CEP85L: variants seen among roughly 807,000 people sequenced by gnomAD.
The protein encoded by CEP85L is centrosomal protein of 85 kDa-like.
In CEP85L, 60 loss-of-function variants were observed where a neutral mutation model predicts 100.3. The ratio of observed to expected loss-of-function variants is 0.60; its 90% CI spans 0.49 to 0.74. CEP85L has a LOEUF of 0.74. Ranked by LOEUF, CEP85L falls within the 30% of genes least tolerant of loss-of-function variation. CEP85L has a pLI of 0.00. For missense variants in CEP85L, 973 were observed against 936.2 expected, an observed-to-expected ratio of 1.04 and a Z score of -0.51; for synonymous variants, 319 against 322.7, an observed-to-expected ratio of 0.99 and a Z score of 0.12.
chr6:118,633,084 A>AT (rs1216018375), intron 1 of CEP85L, among the ~76,000 whole-genome samples: 8 of 151,690 alleles, frequency 5.3e-5, no homozygotes, highest in African/African-American at 1.9e-4. Context: ...TATCTACTAA[A>AT]TTTTTTCTAC....
intron 3 of CEP85L, among the ~76,000 whole-genome samples, chr6:118,545,639 A>C (rs1370482248): frequency 6.6e-6 from 1 of 152,184 alleles, no homozygotes; most frequent in African/African-American, 2.4e-5. Context: ...AAAATGCTAC[A>C]AAACTATATA....
At chr6:118,529,009 G>A (rs1777130187) in intron 3 of CEP85L, among the ~76,000 whole-genome samples, 1 of 152,116 alleles carries the variant, frequency 6.6e-6, no homozygotes, top group African/African-American at 2.4e-5. Flanking sequence ...AAATCTGATA[G>A]AAATAACACA....
At chr6:118,510,989 ATATTCT>A (rs1247891557) in intron 5 of CEP85L, among the ~76,000 whole-genome samples, 1 of 152,154 alleles carries the variant, frequency 6.6e-6, no homozygotes, top group Admixed American at 6.6e-5. Flanking sequence ...GATAATGTAC[ATATTCT>A]TATATTTTTT....
intron 2 of CEP85L, among the ~76,000 whole-genome samples, chr6:118,572,242 A>G (rs372757307): frequency 3.8e-4 from 57 of 151,232 alleles, no homozygotes; most frequent in African/African-American, 1.3e-3. Context: ...GGAAAAAAAA[A>G]ACATGTTATG....
At chr6:118,501,826 GAGAGA>G in intron 5 of CEP85L, 1 of 1,292,674 alleles carries the variant, frequency 7.7e-7, no homozygotes, top group Non-Finnish European at 1.1e-6. Context: ...GAGAGAGAGA[GAGAGA>G]GGACTCTGGA....
rs566783800 is a variant in CEP85L at position 118,606,689 on chromosome 6, C to T, written c.232+25764G>A. Among the ~76,000 whole-genome samples the T allele has an allele frequency of 2.6e-5, 4 of 152,320 alleles. No homozygotes were observed. The South Asian group carries it at 8.3e-4, about 32-fold the overall frequency. On this transcript the variant is annotated intron_variant, in intron 2 of 12. Coordinates refer to ENST00000368491, the MANE Select transcript of CEP85L (RefSeq NM_001042475.3). ...TATTTGTGTTTGTTTCAGAGACCTG[C>T]AGCCAAATTTGTTACTGACCAGCTT...
intron 2 of CEP85L, among the ~76,000 whole-genome samples, chr6:118,572,589 A>G (rs1779968381): frequency 6.6e-6 from 1 of 151,978 alleles, no homozygotes; most frequent in Non-Finnish European, 1.5e-5. Flanking sequence ...AAATAAACAA[A>G]TAAATAAATA....
At chr6:118,510,380 T>A (rs1775898437) in intron 5 of CEP85L, among the ~76,000 whole-genome samples, 2 of 151,272 alleles carry the variant, frequency 1.3e-5, no homozygotes, top group Admixed American at 1.3e-4. Flanking sequence ...CAAAAAACAA[T>A]AAGCAAAAAC....
At chr6:118,536,222 TA>T (rs1466268258) in intron 3 of CEP85L, among the ~76,000 whole-genome samples, 1 of 152,146 alleles carries the variant, frequency 6.6e-6, no homozygotes, top group African/African-American at 2.4e-5. Flanking sequence ...GACATTATGC[TA>T]AACAAAAGAA....
intron 2 of CEP85L, among the ~76,000 whole-genome samples, chr6:118,595,713 C>A (rs1781428456): frequency 6.6e-6 from 1 of 152,152 alleles, no homozygotes; most frequent in Non-Finnish European, 1.5e-5. Context: ...TGTCAACTCC[C>A]ATGTAGCATG....
At chr6:118,707,989 A>G (rs1359975629) in intron 1 of CEP85L, among the ~76,000 whole-genome samples, 1 of 135,936 alleles carries the variant, frequency 7.4e-6, no homozygotes, top group African/African-American at 2.7e-5. Flanking sequence ...GACGGGGGGG[A>G]AACAATCTGG....
At position 118,505,722 on chromosome 6, in the gene CEP85L, G is replaced by A. The variant is rs535127384; in HGVS notation, c.1257+5576C>T. Among the ~76,000 whole-genome samples, 6 of 152,292 alleles carry A rather than the reference G, an allele frequency of 3.9e-5. No individual in the cohort carries two copies. The South Asian group carries it at 1.2e-3, about 32-fold the overall frequency. On this transcript the variant is annotated intron_variant, in intron 5 of 12. Coordinates refer to ENST00000368491, the MANE Select transcript of CEP85L (RefSeq NM_001042475.3). ...CTATAGAGACCATAACAAGTTCAGT[G>A]GTTGCTAGGGGTCCAATGGGTTGAA... is the stretch of plus-strand genomic sequence containing the variant.
chr6:118,640,139 C>T (rs563427896), intron 1 of CEP85L, among the ~76,000 whole-genome samples: 1 of 152,196 alleles, frequency 6.6e-6, no homozygotes, highest in African/African-American at 2.4e-5. Context: ...AAAAAACGTT[C>T]ATATTAACAG....
At chr6:118,613,926 C>T (rs1390852054) in intron 2 of CEP85L, among the ~76,000 whole-genome samples, 1 of 151,864 alleles carries the variant, frequency 6.6e-6, no homozygotes, top group Non-Finnish European at 1.5e-5. Context: ...CCAGAGAGTA[C>T]CTGAGAAAAA....
upstream of CEP85L, among the ~76,000 whole-genome samples, chr6:118,654,694 T>C (rs1286226676): frequency 1.3e-5 from 2 of 152,358 alleles, no homozygotes; most frequent in South Asian, 2.1e-4. Context: ...AGAATTCAAA[T>C]AGGTGAATGG....
chr6:118,480,695 T>C (rs147003583), intron 8 of CEP85L, among the ~76,000 whole-genome samples, 182 bp from the exon 9 acceptor site: 2 of 152,238 alleles, frequency 1.3e-5, no homozygotes, highest in Non-Finnish European at 2.9e-5. Flanking sequence ...GAAGGGTCCA[T>C]AGTTAGCTAG....
At chr6:118,561,687 T>G (rs1779232001) in intron 3 of CEP85L, among the ~76,000 whole-genome samples, 1 of 152,170 alleles carries the variant, frequency 6.6e-6, no homozygotes, top group Non-Finnish European at 1.5e-5. Context: ...TCAGAATCAC[T>G]ATATTAAAAT....
At chr6:118,618,220 G>A (rs929303273) in intron 2 of CEP85L, among the ~76,000 whole-genome samples, 11 of 152,288 alleles carry the variant, frequency 7.2e-5, no homozygotes, top group African/African-American at 2.6e-4. Context: ...TGCGTCCTGG[G>A]TTCAAATAAC....
At chr6:118,626,995 TTCAA>T (rs1482360292) in intron 2 of CEP85L, among the ~76,000 whole-genome samples, 3 of 146,852 alleles carry the variant, frequency 2.0e-5, no homozygotes, top group Non-Finnish European at 3.0e-5. Flanking sequence ...AGGCCAGGAG[TTCAA>T]GAACAACCTG....
Sources: allele counts gnomAD v4.1 joint callset (sites outside exome capture counted in the v4.1 genomes callset), GRCh38; gene constraint gnomAD v4.1.1; transcripts MANE v1.5; gene names NCBI Gene and HGNC (gene_info 2026-07-23, HGNC 2026-07-21).